The following KCNK10 variants were observed in gnomAD, a reference collection of about 807,000 sequenced individuals.
KCNK10 encodes the protein potassium two pore domain channel subfamily K member 10, also known as potassium channel subfamily K member 10.
Under a neutral mutation model 47.7 loss-of-function variants are expected in KCNK10, and 25 were observed. The ratio of observed to expected loss-of-function variants is 0.52; its 90% CI spans 0.38 to 0.73. The LOEUF (loss-of-function observed/expected upper bound fraction) is 0.73. Among genes scored for constraint, KCNK10 ranks in the 30% least tolerant of loss-of-function variants. The pLI is 0.00. For synonymous variants in KCNK10, 303 were observed against 285.6 expected (o/e 1.06, Z -0.61); for missense variants, 563 against 714.5 (o/e 0.79, Z 2.42).
chr14:88,320,644 C>T (rs1179183711), intron 1 of KCNK10, among the ~76,000 whole-genome samples: 1 of 152,160 alleles, frequency 6.6e-6, no homozygotes, highest in East Asian at 1.9e-4. Flanking sequence ...TTCACTTCCA[C>T]ACATTATTCA....
At chr14:88,268,476 G>A (rs537498662) in intron 1 of KCNK10, among the ~76,000 whole-genome samples, 3 of 152,092 alleles carry the variant, frequency 2.0e-5, no homozygotes, top group African/African-American at 7.2e-5. Context: ...AAGGTTAAGC[G>A]GCCCAAAAGA....
rs1169549037 is a variant in KCNK10, at chr14:88,183,013, A to G, written c.*2522T>C. On this transcript the variant is annotated 3_prime_UTR_variant, in exon 7 of 7. Transcript: ENST00000319231. ...AGATTCCACCATATCTGCTCCCCAC[A>G]TCTGTAAGCTGTGTCCATGAAGCTA... The G allele has an allele frequency of 6.6e-6, 1 of 152,322 alleles. No individual in the cohort carries two copies. The highest frequency in any genetic ancestry group is 1.5e-5 in the Non-Finnish European group (1 of 68,028). 9.4% of individuals were successfully genotyped at this position (152,322 alleles called of 1,614,324 possible).
intron 1 of KCNK10, among the ~76,000 whole-genome samples, chr14:88,304,573 G>A (rs910493103): frequency 3.9e-5 from 6 of 152,198 alleles, no homozygotes; most frequent in South Asian, 4.1e-4. Context: ...ACAAGGCAGC[G>A]CTCTGCCTTC....
chr14:88,231,695 A>G (rs906670932), intron 3 of KCNK10, among the ~76,000 whole-genome samples: 16 of 152,194 alleles, frequency 1.1e-4, no homozygotes, highest in Non-Finnish European at 2.2e-4. Flanking sequence ...TGAGAAAGGG[A>G]CTAGGGTGCA....
Position 88,265,640 on chromosome 14 carries a change from ATGGTT to A in KCNK10, c.53-2094_53-2090del, listed in dbSNP as rs372390701. Reference sequence around the variant, plus strand: ...CCTCCATTAGTTCAGGTTTCCTGATATGGTTTGGCTGTGTCCCCACCCAAATCTCA... The same window carrying A: ...CCTCCATTAGTTCAGGTTTCCTGATATGGCTGTGTCCCCACCCAAATCTCA... On this transcript the variant is annotated intron_variant, in intron 1 of 6. Coordinates refer to ENST00000319231, the MANE Select transcript of KCNK10 (RefSeq NM_138317.3). Among the ~76,000 whole-genome samples the A allele has an allele frequency of 1.7e-3, 265 of 152,318 alleles. 1 individual carries two copies. The highest frequency in any genetic ancestry group is 5.2e-3 in the African/African-American group (216 of 41,572).
At chr14:88,307,289 T>A (rs1888223353) in intron 1 of KCNK10, among the ~76,000 whole-genome samples, 1 of 149,906 alleles carries the variant, frequency 6.7e-6, no homozygotes, top group Non-Finnish European at 1.5e-5. Context: ...GCCACATGAG[T>A]GAACCTTGAA....
chr14:88,255,290 G>A (rs891428918), intron 2 of KCNK10, among the ~76,000 whole-genome samples: 5 of 152,148 alleles, frequency 3.3e-5, no homozygotes, highest in South Asian at 4.2e-4. Context: ...CTGGAGTCTG[G>A]CTTCCCAGGG....
chr14:88,196,404 C>A (rs1884915044), intron 4 of KCNK10, among the ~76,000 whole-genome samples: 2 of 152,182 alleles, frequency 1.3e-5, no homozygotes, highest in African/African-American at 4.8e-5. Context: ...AGCCACATGT[C>A]CAATTCTCAT....
chr14:88,206,667 T>C (rs1885285665), intron 4 of KCNK10, among the ~76,000 whole-genome samples: 1 of 152,264 alleles, frequency 6.6e-6, no homozygotes, highest in South Asian at 2.1e-4. Flanking sequence ...TATTGCATTC[T>C]ACGTATAGAT....
At position 88,263,389 on chromosome 14, in the gene KCNK10, A is replaced by G. The variant is rs1566707330; in HGVS notation, c.215T>C (p.Met72Thr). 1.2e-6 allele frequency: 2 copies of G among 1,614,122 alleles called. No individual in the cohort carries two copies. The highest frequency in any genetic ancestry group is 1.7e-5 in the Admixed American group (1 of 60,034). ...GATGGCAACCACCGTCTTCCACTTC[A>G]TGACGGTCTGCAAGCCCCCTTGGGA... ...GTSQGGLQTV[M>T]KWKTVVAIFV... The change falls in exon 2 of 7, where the codon ATG (methionine) becomes ACG (threonine). Residue 72 changes from methionine (M) to threonine (T), a missense_variant. Met to Thr is a moderately conservative substitution (Grantham distance 81, BLOSUM62 -1). Coordinates refer to ENST00000319231, the MANE Select transcript of KCNK10 (RefSeq NM_138317.3).
intron 4 of KCNK10, among the ~76,000 whole-genome samples, chr14:88,222,207 T>C (rs1885836491): frequency 6.6e-6 from 1 of 152,120 alleles, no homozygotes; most frequent in African/African-American, 2.4e-5. Context: ...TTCACTATCA[T>C]GAGAATAGCA....
intron 1 of KCNK10, among the ~76,000 whole-genome samples, chr14:88,292,631 T>A (rs1450090410): frequency 1.3e-5 from 2 of 150,116 alleles, no homozygotes; most frequent in African/African-American, 4.9e-5. Context: ...GATTACAGGT[T>A]TTCTTGTTTG....
intron 3 of KCNK10, chr14:88,235,184 G>C (rs74920511): frequency 4.4e-6 from 2 of 456,612 alleles, no homozygotes; most frequent in Non-Finnish European, 8.8e-6. Flanking sequence ...AGGATGTGCT[G>C]TCTGGAAGGT....
At chr14:88,299,605 C>T (rs952561065) in intron 1 of KCNK10, among the ~76,000 whole-genome samples, 1 of 152,144 alleles carries the variant, frequency 6.6e-6, no homozygotes, top group African/African-American at 2.4e-5. Flanking sequence ...CATTAGGTAA[C>T]ACACATATGC....
intron 1 of KCNK10, among the ~76,000 whole-genome samples, chr14:88,316,034 G>A (rs1888425171): frequency 6.6e-6 from 1 of 152,070 alleles, no homozygotes; most frequent in Non-Finnish European, 1.5e-5. Flanking sequence ...TTACTTCCAT[G>A]GAAAGGGTAA....
chr14:88,256,491 G>A (rs903264822), intron 2 of KCNK10, among the ~76,000 whole-genome samples: 4 of 152,104 alleles, frequency 2.6e-5, no homozygotes, highest in East Asian at 3.9e-4. Flanking sequence ...CCAGTAAGAC[G>A]AAGGATAAAG....
At chr14:88,310,691 C>A (rs1326308418) in intron 1 of KCNK10, among the ~76,000 whole-genome samples, 1 of 152,140 alleles carries the variant, frequency 6.6e-6, no homozygotes, top group Non-Finnish European at 1.5e-5. Context: ...TTAATTCAGG[C>A]TTTTGGGAGG....
At chr14:88,217,959 G>A (rs1204452006) in intron 4 of KCNK10, among the ~76,000 whole-genome samples, 1 of 152,004 alleles carries the variant, frequency 6.6e-6, no homozygotes, top group Non-Finnish European at 1.5e-5. Flanking sequence ...CTGACCTCAA[G>A]TGATCTGCCT....
intron 1 of KCNK10, among the ~76,000 whole-genome samples, chr14:88,270,312 C>T (rs1267921074): frequency 6.6e-6 from 1 of 152,172 alleles, no homozygotes; most frequent in East Asian, 1.9e-4. Flanking sequence ...CCCACACCGG[C>T]CTCCAGTTGT....
Sources: allele counts gnomAD v4.1 joint callset (sites outside exome capture counted in the v4.1 genomes callset), GRCh38; gene constraint gnomAD v4.1.1; transcripts MANE v1.5; gene names NCBI Gene and HGNC (gene_info 2026-07-23, HGNC 2026-07-21).